RGS13: variants seen among roughly 807,000 people sequenced by gnomAD.
RGS13 encodes the protein regulator of G protein signaling 13, also known as regulator of G-protein signalling 13.
Under a neutral mutation model 19.9 loss-of-function variants are expected in RGS13, and 14 were observed. The observed-to-expected ratio is 0.70, with a 90% CI of 0.46 to 1.10. The LOEUF (loss-of-function observed/expected upper bound fraction) is 1.10. RGS13 is among the 50% of genes least tolerant of loss of function. RGS13 has a pLI of 0.00. For missense variants in RGS13, 205 were observed against 187.1 expected (o/e 1.10, Z -0.56); for synonymous variants, 60 against 56.8 (o/e 1.06, Z -0.25).
chr1:192,639,869 C>T (rs1663076647), intron 3 of RGS13, among the ~76,000 whole-genome samples: 2 of 152,156 alleles, frequency 1.3e-5, no homozygotes, highest in Non-Finnish European at 2.9e-5. Flanking sequence ...AATTACTTTA[C>T]CTTCACTATA....
chr1:192,640,418 T>A (rs1236633121), intron 3 of RGS13, among the ~76,000 whole-genome samples: 1 of 152,178 alleles, frequency 6.6e-6, no homozygotes, highest in African/African-American at 2.4e-5. Flanking sequence ...TTTATTTTCA[T>A]CACACTGCTG....
At chr1:192,644,204 T>A in intron 3 of RGS13, 127 bp from the exon 4 acceptor site, 1 of 561,370 alleles carries the variant, frequency 1.8e-6, no homozygotes, top group Non-Finnish European at 3.0e-6. Context: ...GTGACTGTAT[T>A]CCATTAACTT....
rs778307025 is a variant in RGS13 at position 192,644,387 on chromosome 1, G to C, written c.53G>C (p.Arg18Thr). 1.3e-5 allele frequency: 21 copies of C among 1,610,512 alleles called. No individual in the cohort carries two copies. Among genetic ancestry groups the C allele is most frequent in the Non-Finnish European group, 1.7e-5 (20 of 1,177,712 alleles). The change falls in exon 4 of 7, where the codon AGG (arginine) becomes ACG (threonine). Residue 18 changes from arginine (R) to threonine (T), a missense_variant. Transcript: ENST00000391995. ...ICKMCRDESK[R>T]PPSNLTLEEV... Reference sequence around the variant, plus strand: ...AAGATGTGCAGAGATGAATCTAAGAGGCCCCCTTCAAAGTAAGTAGCATTT... The same window carrying C: ...AAGATGTGCAGAGATGAATCTAAGACGCCCCCTTCAAAGTAAGTAGCATTT...
intron 4 of RGS13, 53 bp from the exon 5 acceptor site, chr1:192,647,873 C>A: frequency 1.6e-6 from 2 of 1,243,170 alleles, no homozygotes; most frequent in Admixed American, 2.1e-5. Context: ...CTTAGTTCAA[C>A]AAAAACCTTG....
intron 4 of RGS13, 136 bp downstream of exon 4, chr1:192,644,535 A>G (rs567252259): frequency 2.2e-5 from 15 of 669,758 alleles, no homozygotes; most frequent in Non-Finnish European, 4.0e-5. Flanking sequence ...GAGTCATTTC[A>G]TCAGAAGAGC....
chr1:192,642,895 T>G (rs79159583), intron 3 of RGS13, among the ~76,000 whole-genome samples: 1 of 152,146 alleles, frequency 6.6e-6, no homozygotes, highest in African/African-American at 2.4e-5. Flanking sequence ...GGTCTCACTC[T>G]GTTGCCCCAG....
chr1:192,648,416 A>G (rs74130407), intron 5 of RGS13, among the ~76,000 whole-genome samples: 1,539 of 152,262 alleles, frequency 0.01, 20 homozygotes, highest in African/African-American at 0.031. Flanking sequence ...GGGACTATAC[A>G]TGGGTCTGAA....
intron 5 of RGS13, among the ~76,000 whole-genome samples, chr1:192,650,231 A>G (rs1276308013): frequency 6.6e-6 from 1 of 152,092 alleles, no homozygotes. Flanking sequence ...AGGCTCTAGC[A>G]AAGATGAGAA....
chr1:192,645,757 A>C (rs1663209394), intron 4 of RGS13: 1 of 152,156 alleles, frequency 6.6e-6, no homozygotes, highest in Non-Finnish European at 1.5e-5. Flanking sequence ...AAAAAATTAT[A>C]AGCAAAAATG....
At chr1:192,644,474 A>G (rs1236772734) in intron 4 of RGS13, 75 bp downstream of exon 4, 2 of 1,065,648 alleles carry the variant, frequency 1.9e-6, no homozygotes, top group Middle Eastern at 2.1e-4. Flanking sequence ...TATTTATTAA[A>G]CTGCTATTGT....
At chr1:192,646,670 G>C (rs1424508739) in intron 4 of RGS13, 1 of 151,900 alleles carries the variant, frequency 6.6e-6, no homozygotes, top group Non-Finnish European at 1.5e-5. Flanking sequence ...CCCTACAACA[G>C]GCCCCAGTGT....
At chr1:192,642,484 G>A (rs1169562080) in intron 3 of RGS13, among the ~76,000 whole-genome samples, 1 of 151,746 alleles carries the variant, frequency 6.6e-6, no homozygotes, top group African/African-American at 2.4e-5. Flanking sequence ...ACTATGCCCA[G>A]CTAATTTTTT....
Position 192,644,396 on chromosome 1 carries a change from C to T in RGS13, c.62C>T (p.Ser21Leu). Residue 21 changes from serine to leucine, a missense_variant, in exon 4 of 7, where the codon TCA becomes TTA. Ser to Leu is a moderately radical substitution (Grantham distance 145). Coordinates refer to ENST00000391995, the MANE Select transcript of RGS13 (RefSeq NM_002927.5). ...AGAGATGAATCTAAGAGGCCCCCTT[C>T]AAAGTAAGTAGCATTTAAGTTTCTA... ...MCRDESKRPP[S>L]NLTLEEVLQW... 1 of 1,605,966 alleles carries T rather than the reference C, an allele frequency of 6.2e-7. No homozygotes were observed. Among genetic ancestry groups the T allele is most frequent in the Non-Finnish European group, 8.5e-7 (1 of 1,173,554 alleles).
At chr1:192,646,445 C>A (rs896159946) in intron 4 of RGS13, 3 of 152,116 alleles carry the variant, frequency 2.0e-5, no homozygotes, top group African/African-American at 7.2e-5. Context: ...TAAGAATGCA[C>A]CATAAACTGA....
At chr1:192,640,091 T>A (rs571313937) in intron 3 of RGS13, among the ~76,000 whole-genome samples, 25 of 151,892 alleles carry the variant, frequency 1.6e-4, no homozygotes, top group African/African-American at 6.0e-4. Flanking sequence ...AAATAGAGGG[T>A]AGGGGAGAAG....
intron 4 of RGS13, 60 bp downstream of exon 4, chr1:192,644,459 G>GCTT: frequency 8.0e-7 from 1 of 1,248,406 alleles, no homozygotes; most frequent in Non-Finnish European, 1.2e-6. Flanking sequence ...TGATAAATAG[G>GCTT]TACATATTTA....
chr1:192,651,258 A>G (rs1663329842), intron 5 of RGS13, among the ~76,000 whole-genome samples: 1 of 152,104 alleles, frequency 6.6e-6, no homozygotes, highest in African/African-American at 2.4e-5. Flanking sequence ...TGAGGAAGGA[A>G]CAGTGACCAC....
chr1:192,641,281 A>T (rs1162079636), intron 3 of RGS13, among the ~76,000 whole-genome samples: 1 of 117,744 alleles, frequency 8.5e-6, no homozygotes, highest in East Asian at 4.1e-4. Flanking sequence ...AAAGAAAGAA[A>T]GAAAGAAAGA....
chr1:192,640,770 T>C (rs897050551), intron 3 of RGS13, among the ~76,000 whole-genome samples: 1 of 152,168 alleles, frequency 6.6e-6, no homozygotes, highest in Non-Finnish European at 1.5e-5. Flanking sequence ...CTTGAATCTA[T>C]ACCTATATTT....
Sources: gnomAD v4.1 joint callset for allele counts (sites outside exome capture counted in the v4.1 genomes callset) on GRCh38, gnomAD v4.1.1 for gene constraint, MANE v1.5 for transcripts, NCBI Gene and HGNC (gene_info 2026-07-23, HGNC 2026-07-21) for gene names.